Variants in MYLK observed in about 807,000 individuals in gnomAD.
MYLK encodes myosin light chain kinase.
MYLK carries 106 observed loss-of-function variants against 203.4 expected under a neutral mutation model. The observed-to-expected ratio is 0.52, with a 90% confidence interval of 0.45 to 0.61. The LOEUF is 0.61. Ranked by LOEUF, MYLK falls within the 20% of genes least tolerant of loss-of-function variation. MYLK has a pLI of 0.00. For synonymous variants in MYLK, 867 were observed against 959.5 expected (o/e 0.90, Z 1.78); for missense variants, 2,072 against 2,442.3 (o/e 0.85, Z 3.20).
chr3:123,848,080 C>T lies in MYLK; in HGVS notation c.-126-16410G>A, dbSNP rs117118119. On this transcript the variant is annotated intron_variant, in intron 2 of 33. Transcript: ENST00000360304. ...GTTATTTTACTGCAGTTTTCTATATCTTTTGAAGTAGTTATGGCAAATTAT... is the reference window on the plus strand; with the variant it reads ...GTTATTTTACTGCAGTTTTCTATATTTTTTGAAGTAGTTATGGCAAATTAT... Among the ~76,000 whole-genome samples the T allele has an allele frequency of 1.8e-3, 267 of 151,894 alleles. 7 individuals are homozygous for T. The East Asian group carries it at 0.041, about 23-fold the overall frequency.
intron 2 of MYLK, among the ~76,000 whole-genome samples, chr3:123,854,967 T>C (rs2031218253): frequency 6.6e-6 from 1 of 152,200 alleles, no homozygotes; most frequent in East Asian, 1.9e-4. Context: ...TGTCATTTAT[T>C]TATACATAAC....
At chr3:123,706,467 C>A (rs1402581865) in intron 16 of MYLK, among the ~76,000 whole-genome samples, 1 of 152,110 alleles carries the variant, frequency 6.6e-6, no homozygotes, top group African/African-American at 2.4e-5. Context: ...TGGTCAGGCA[C>A]CCGGGCCAGG....
Position 123,618,851 on chromosome 3 carries a change from A to T in MYLK, c.5369-81T>A, listed in dbSNP as rs182883697. On this transcript the variant is annotated intron_variant, in intron 32 of 33. Transcript: ENST00000360304. ...CTCTAGCTTAAAGAAACTAACTTTTAAAAAAGTTGCTATGATTTAGCAAAG... is the reference window on the plus strand; with the variant it reads ...CTCTAGCTTAAAGAAACTAACTTTTTAAAAAGTTGCTATGATTTAGCAAAG... 1.6e-4 allele frequency: 253 copies of T among 1,577,166 alleles called. 2 individuals are homozygous for T. In the African/African-American group the frequency reaches 3.2e-3, roughly 20 times the overall value.
Position 123,695,460 on chromosome 3 carries a change from C to T in MYLK, c.3449-2609G>A, listed in dbSNP as rs147976489. 2.1e-3 allele frequency among the ~76,000 whole-genome samples: 323 copies of T among 152,302 alleles called. 3 individuals are homozygous for T. Among genetic ancestry groups the T allele is most frequent in the African/African-American group, 7.3e-3 (304 of 41,562 alleles). Reference sequence around the variant, plus strand: ...TTTGTCATTCTGAGAAGGATGAAGGCATATTTCTGTAGCAGGTGATCTGGT... The same window carrying T: ...TTTGTCATTCTGAGAAGGATGAAGGTATATTTCTGTAGCAGGTGATCTGGT... On this transcript the variant is annotated intron_variant, in intron 18 of 33. Transcript: ENST00000360304.
Position 123,752,547 on chromosome 3 carries a change from A to G in MYLK, c.166-9T>C. ...TCTGGGTAACCCCGGACCTTCAAGAAAAAGAAGAAAGGGTAAGAGCCTGTA... is the reference window on the plus strand; with the variant it reads ...TCTGGGTAACCCCGGACCTTCAAGAGAAAGAAGAAAGGGTAAGAGCCTGTA... On this transcript the variant is annotated splice_polypyrimidine_tract_variant and intron_variant, in intron 4 of 33. Coordinates refer to ENST00000360304, the MANE Select transcript of MYLK (RefSeq NM_053025.4). The G allele has an allele frequency of 6.2e-7, 1 of 1,609,684 alleles. No homozygotes were observed. Among genetic ancestry groups the G allele is most frequent in the East Asian group, 2.2e-5 (1 of 44,740 alleles).
At chr3:123,765,317 G>A in intron 4 of MYLK, among the ~76,000 whole-genome samples, 1 of 152,164 alleles carries the variant, frequency 6.6e-6, no homozygotes, top group Middle Eastern at 3.4e-3. Context: ...GATCACCTGA[G>A]GTCAGGGGTT....
intron 12 of MYLK, among the ~76,000 whole-genome samples, chr3:123,725,340 A>G (rs1458352791): frequency 6.6e-6 from 1 of 152,206 alleles, no homozygotes; most frequent in Non-Finnish European, 1.5e-5. Context: ...TTGAAATTAA[A>G]TGGTCCTTTA....
At chr3:123,666,812 A>G (rs2059750196) in intron 21 of MYLK, 4 of 560,392 alleles carry the variant, frequency 7.1e-6, no homozygotes, top group Non-Finnish European at 3.2e-6. Flanking sequence ...AGGGTCATGT[A>G]CACAAGGGTA....
chr3:123,812,316 G>A (rs1382349569), intron 3 of MYLK, among the ~76,000 whole-genome samples: 4 of 152,180 alleles, frequency 2.6e-5, no homozygotes, highest in African/African-American at 9.7e-5. Flanking sequence ...GAACCAACTT[G>A]CTTACACCTG....
At chr3:123,859,146 A>T (rs1025602306) in intron 2 of MYLK, among the ~76,000 whole-genome samples, 5 of 152,242 alleles carry the variant, frequency 3.3e-5, no homozygotes, top group Admixed American at 3.3e-4. Context: ...AATTATAAAA[A>T]CTAAAAGAGT....
intron 30 of MYLK, among the ~76,000 whole-genome samples, chr3:123,628,349 C>T (rs1407898777): frequency 6.6e-6 from 1 of 152,184 alleles, no homozygotes; most frequent in African/African-American, 2.4e-5. Context: ...GGGGAGCCAT[C>T]GGCAGCCCCG....
intron 3 of MYLK, chr3:123,831,260 G>C: frequency 1.4e-6 from 1 of 728,088 alleles, no homozygotes; most frequent in Non-Finnish European, 2.0e-6. Context: ...CAGCAGCCAG[G>C]GCAACCCGCA....
chr3:123,808,610 T>A lies in MYLK; in HGVS notation c.-3-14766A>T, dbSNP rs9809447. ...CTAACCCTAGAATACATGCTCTTTC[T>A]CTACTGTCCTCAGGGATGGCTAAGT... On this transcript the variant is annotated intron_variant, in intron 3 of 33. Transcript: ENST00000360304. Among the ~76,000 whole-genome samples the A allele has an allele frequency of 6.3e-3, 956 of 152,286 alleles. 12 individuals are homozygous for A. The highest frequency in any genetic ancestry group is 0.022 in the African/African-American group (922 of 41,566).
intron 4 of MYLK, among the ~76,000 whole-genome samples, chr3:123,786,374 A>G: frequency 6.6e-6 from 1 of 150,822 alleles, no homozygotes; most frequent in East Asian, 1.9e-4. Context: ...GCGTTCAGAG[A>G]AGGGAACAAT....
In MYLK at chr3:123,700,271, T is replaced by C. The variant is rs549428862; in HGVS notation, c.3197A>G (p.Glu1066Gly). 3 of 1,515,338 alleles carry C rather than the reference T, an allele frequency of 2.0e-6. No homozygotes were observed. In the South Asian group the frequency reaches 4.5e-5, roughly 23 times the overall value. The allele number at this position is 1,515,338 out of a possible 1,614,324, so 93.9% of individuals were successfully genotyped here. Residue 1066 changes from glutamate to glycine, a missense_variant, in exon 18 of 34, where the codon GAA (glutamate) becomes GGA (glycine). Glu to Gly is a moderately conservative substitution (Grantham distance 98). Transcript: ENST00000360304. ...DENLKSASKE[E>G]LKKDVKNDVN... ...ATCATTCTTAACGTCTTTCTTGAGT[T>C]CTTCTTTGCTAGCGGATTTCAGGTT...
intron 3 of MYLK, among the ~76,000 whole-genome samples, chr3:123,808,923 T>C (rs1444422192): frequency 2.0e-5 from 3 of 152,344 alleles, no homozygotes; most frequent in Middle Eastern, 6.8e-3. Flanking sequence ...TATTATCAAC[T>C]GGATTTGAAC....
chr3:123,859,235 C>T (rs1178933379), intron 2 of MYLK, among the ~76,000 whole-genome samples: 1 of 152,212 alleles, frequency 6.6e-6, no homozygotes, highest in Non-Finnish European at 1.5e-5. Context: ...GCAGAAAATG[C>T]CTTACAGGCA....
chr3:123,720,847 GACTGAC>G (rs754322467), intron 13 of MYLK, among the ~76,000 whole-genome samples: 6 of 152,178 alleles, frequency 3.9e-5, no homozygotes, highest in Non-Finnish European at 7.3e-5. Flanking sequence ...ATCCCTAAGG[GACTGAC>G]ACTGCCCAGC....
intron 3 of MYLK, among the ~76,000 whole-genome samples, chr3:123,795,097 A>G (rs947045901): frequency 6.6e-6 from 1 of 152,240 alleles, no homozygotes; most frequent in Non-Finnish European, 1.5e-5. Context: ...TAATTCTATT[A>G]TACAGAATGG....
Sources: allele counts gnomAD v4.1 joint callset (sites outside exome capture counted in the v4.1 genomes callset), GRCh38; gene constraint gnomAD v4.1.1; transcripts MANE v1.5; gene names NCBI Gene and HGNC (gene_info 2026-07-23, HGNC 2026-07-21).